Variants in SGCE observed in about 807,000 individuals in gnomAD.
The protein encoded by SGCE is epsilon-sarcoglycan.
SGCE carries 26 observed loss-of-function variants against 57.8 expected under a neutral mutation model. The ratio of observed to expected loss-of-function variants is 0.45; its 90% CI spans 0.33 to 0.62. The LOEUF (loss-of-function observed/expected upper bound fraction) is 0.62, where lower values mean the gene tolerates loss of function less well. Ranked by LOEUF, SGCE falls within the 20% of genes least tolerant of loss-of-function variation. The pLI is 0.02. For missense variants in SGCE, 468 were observed against 548.6 expected (o/e 0.85, Z 1.47); for synonymous variants, 183 against 189.5 (o/e 0.97, Z 0.28).
At chr7:94,615,112 G>A (rs952025585) in intron 5 of SGCE, among the ~76,000 whole-genome samples, 3 of 152,206 alleles carry the variant, frequency 2.0e-5, no homozygotes, top group African/African-American at 7.2e-5. Flanking sequence ...TGTAAGCCCA[G>A]CACTCTGGGA....
chr7:94,606,733 A>AT (rs1268653904), intron 5 of SGCE, among the ~76,000 whole-genome samples: 1 of 152,224 alleles, frequency 6.6e-6, no homozygotes, highest in Non-Finnish European at 1.5e-5. Flanking sequence ...AAATTAACAA[A>AT]TTTAAAGGAA....
intron 4 of SGCE, 51 bp downstream of exon 4, chr7:94,623,274 A>C: frequency 1.7e-6 from 2 of 1,146,910 alleles, no homozygotes; most frequent in Non-Finnish European, 2.6e-6. Flanking sequence ...TATAAAACAT[A>C]ATGAAATACT....
chr7:94,646,928 T>C (rs1807173984), intron 1 of SGCE, among the ~76,000 whole-genome samples: 1 of 152,248 alleles, frequency 6.6e-6, no homozygotes. Context: ...TTCTCCCTCA[T>C]ATCCCTGTTG....
At chr7:94,616,613 G>A (rs1453769305) in intron 5 of SGCE, among the ~76,000 whole-genome samples, 2 of 151,984 alleles carry the variant, frequency 1.3e-5, no homozygotes, top group Non-Finnish European at 2.9e-5. Context: ...ATATACACAG[G>A]TAAAAAGGAA....
intron 10 of SGCE, chr7:94,588,452 C>T (rs1221460243): frequency 1.5e-6 from 2 of 1,328,786 alleles, no homozygotes; most frequent in South Asian, 1.7e-5. Flanking sequence ...CTTAATTAGA[C>T]AGGACCTCCA....
Position 94,585,454 on chromosome 7 carries a change from A to G in SGCE, c.*45T>C, listed in dbSNP as rs1190053135. Reference sequence around the variant, plus strand: ...AGAAAAGAAATGTGATGTAACTGCTATATTGTCTGATTATAAATTCATTGC... The same window carrying G: ...AGAAAAGAAATGTGATGTAACTGCTGTATTGTCTGATTATAAATTCATTGC... On this transcript the variant is annotated 3_prime_UTR_variant, in exon 11 of 11. Transcript: ENST00000648936. The G allele has an allele frequency of 2.6e-6, 4 of 1,565,966 alleles. No homozygotes were observed. The highest frequency in any genetic ancestry group is 2.6e-6 in the Non-Finnish European group (3 of 1,136,396).
At chr7:94,623,535 C>T (rs1019108898) in intron 3 of SGCE, 138 bp from the exon 4 acceptor site, 26 of 644,040 alleles carry the variant, frequency 4.0e-5, no homozygotes, top group Non-Finnish European at 6.3e-5. Flanking sequence ...TATTCCTTCT[C>T]TGGGCAATGA....
intron 5 of SGCE, chr7:94,617,941 G>A (rs1802179092): frequency 2.0e-5 from 3 of 152,164 alleles, no homozygotes; most frequent in African/African-American, 7.2e-5. Flanking sequence ...GTTGAAAGGG[G>A]AATATGCTAT....
At chr7:94,635,267 C>G (rs1191466073) in intron 1 of SGCE, among the ~76,000 whole-genome samples, 1 of 152,002 alleles carries the variant, frequency 6.6e-6, no homozygotes, top group Non-Finnish European at 1.5e-5. Flanking sequence ...GTAATTTGAA[C>G]TTAGTTTAAG....
intron 2 of SGCE, 68 bp from the exon 3 acceptor site, chr7:94,628,427 A>G (rs1414691219): frequency 7.4e-7 from 1 of 1,349,356 alleles, no homozygotes; most frequent in Non-Finnish European, 1.0e-6. Flanking sequence ...GGTAGTTTCA[A>G]TCAAAACATT....
At chr7:94,587,082 T>C in intron 10 of SGCE, 1 of 984,972 alleles carries the variant, frequency 1.0e-6, no homozygotes, top group Non-Finnish European at 1.2e-6. Context: ...ACCTGCTCCC[T>C]AAAATCTGTT....
At chr7:94,643,273 A>G (rs1195910524) in intron 1 of SGCE, among the ~76,000 whole-genome samples, 5 of 152,200 alleles carry the variant, frequency 3.3e-5, no homozygotes, top group Admixed American at 3.3e-4. Context: ...TAACACCACT[A>G]CATGTCCTTG....
intron 5 of SGCE, among the ~76,000 whole-genome samples, chr7:94,608,519 T>G (rs766319824): frequency 1.2e-4 from 18 of 152,202 alleles, no homozygotes; most frequent in Non-Finnish European, 2.4e-4. Context: ...ATAGATTCAA[T>G]GTAATCTCAA....
At position 94,585,393 on chromosome 7, in the gene SGCE, T is replaced by G. The variant is rs1796760758; in HGVS notation, c.*106A>C. On this transcript the variant is annotated 3_prime_UTR_variant, in exon 11 of 11. Coordinates refer to ENST00000648936, the MANE Select transcript of SGCE (RefSeq NM_003919.3). ...ATACACTTAATACTGCCAACATGCA[T>G]AACATATGCCAGAAAAGCTCATGCA... 10 of 991,632 alleles carry G rather than the reference T, an allele frequency of 1.0e-5. No individual in the cohort carries two copies. The South Asian group carries it at 1.3e-4, about 13-fold the overall frequency. The allele number at this position is 991,632 out of a possible 1,614,324, so 61.4% of individuals were successfully genotyped here. A position where few individuals can be genotyped will look rare whatever the true frequency, so the allele number is the denominator to read the frequency against.
At position 94,625,223 on chromosome 7, in the gene SGCE, A is replaced by G. The variant is rs368253237; in HGVS notation, c.391-1826T>C. 12 of 152,130 alleles carry G rather than the reference A, an allele frequency of 7.9e-5. 1 individual carries two copies. The East Asian group carries it at 1.3e-3, about 17-fold the overall frequency. 9.4% of individuals were successfully genotyped at this position (152,130 alleles called of 1,614,324 possible). A position where few individuals can be genotyped will look rare whatever the true frequency, so the allele number is the denominator to read the frequency against. ...TGAATTAGTAGACTTATATGATTAAATATTATATATTTAAGATACAAAAAT... is the reference window on the plus strand; with the variant it reads ...TGAATTAGTAGACTTATATGATTAAGTATTATATATTTAAGATACAAAAAT... On this transcript the variant is annotated intron_variant, in intron 3 of 10. Coordinates refer to ENST00000648936, the MANE Select transcript of SGCE (RefSeq NM_003919.3).
In SGCE at chr7:94,598,873, T is replaced by C. The variant is rs767308451; in HGVS notation, c.1155A>G (p.Ser385=). The part of the protein sequence containing the change: ...SKNREIAWPL[S]TLPVFHPVTG... ...TCACAGGGTGGAACACAGGAAGCGT[T>C]GACAGGGGCCATGCTATCTCTCTAT... Residue 385 remains serine, a synonymous_variant, in exon 9 of 11, where the codon TCA becomes TCG. Transcript: ENST00000648936. The C allele has an allele frequency of 1.2e-6, 2 of 1,613,304 alleles. No homozygotes were observed. The highest frequency in any genetic ancestry group is 2.2e-5 in the East Asian group (1 of 44,854).
At chr7:94,651,417 G>A (rs927952106) in intron 1 of SGCE, among the ~76,000 whole-genome samples, 1 of 152,150 alleles carries the variant, frequency 6.6e-6, no homozygotes, top group South Asian at 2.1e-4. Flanking sequence ...AACCAGGGAC[G>A]ATACCCTGAC....
chr7:94,596,942 G>A (rs999631949), intron 9 of SGCE, among the ~76,000 whole-genome samples: 2 of 152,012 alleles, frequency 1.3e-5, no homozygotes, highest in African/African-American at 4.8e-5. Flanking sequence ...GAAAATGAAT[G>A]ATAAAGCCAT....
intron 1 of SGCE, among the ~76,000 whole-genome samples, chr7:94,653,378 T>C (rs1443592967): frequency 6.6e-6 from 1 of 152,104 alleles, no homozygotes; most frequent in East Asian, 1.9e-4. Context: ...AGCCCAGTTA[T>C]TATTTGATAA....
Sources: gnomAD v4.1 joint callset for allele counts (sites outside exome capture counted in the v4.1 genomes callset) on GRCh38, gnomAD v4.1.1 for gene constraint, MANE v1.5 for transcripts, NCBI Gene and HGNC (gene_info 2026-07-23, HGNC 2026-07-21) for gene names.